The following TBK1 variants were observed in gnomAD, a reference collection of about 807,000 sequenced individuals.
TBK1 encodes the protein serine/threonine-protein kinase TBK1.
In TBK1, 37 loss-of-function variants were observed where a neutral mutation model predicts 99.9. That is an observed-to-expected ratio of 0.37 (90% CI 0.28 to 0.49). TBK1 has a LOEUF of 0.49. Among genes scored for constraint, TBK1 ranks in the 20% least tolerant of loss-of-function variants. TBK1 has a pLI of 0.98. For missense variants in TBK1, 644 were observed against 872.5 expected (o/e 0.74, Z 3.30); for synonymous variants, 258 against 279.8 (o/e 0.92, Z 0.78).
At chr12:64,492,121 A>G (rs2040875844) in intron 13 of TBK1, among the ~76,000 whole-genome samples, 1 of 152,216 alleles carries the variant, frequency 6.6e-6, no homozygotes, top group South Asian at 2.1e-4. Flanking sequence ...TATTGCTGTC[A>G]GTGTTTTATA....
chr12:64,494,913 C>CT (rs1207742202), intron 13 of TBK1, among the ~76,000 whole-genome samples: 2 of 152,130 alleles, frequency 1.3e-5, no homozygotes, highest in African/African-American at 4.8e-5. Flanking sequence ...CATATTTATC[C>CT]TTTAAGTCTA....
chr12:64,460,851 A>T (rs1474534197), intron 3 of TBK1, among the ~76,000 whole-genome samples: 1 of 151,020 alleles, frequency 6.6e-6, no homozygotes, highest in Non-Finnish European at 1.5e-5. Flanking sequence ...AAAAAAAAAA[A>T]GAAAGGATCA....
chr12:64,472,458 C>T (rs1382884689), intron 5 of TBK1, among the ~76,000 whole-genome samples: 2 of 152,110 alleles, frequency 1.3e-5, no homozygotes, highest in South Asian at 2.1e-4. Context: ...TTGGTCCATA[C>T]GTACACTTTT....
intron 13 of TBK1, among the ~76,000 whole-genome samples, chr12:64,491,922 A>G (rs922047712): frequency 2.0e-5 from 3 of 152,230 alleles, no homozygotes; most frequent in African/African-American, 4.8e-5. Flanking sequence ...TAAGGAAATC[A>G]TTGTTTATGA....
chr12:64,497,727 C>A lies in TBK1; in HGVS notation c.2039C>A (p.Ser680Tyr). The A allele has an allele frequency of 6.2e-7, 1 of 1,600,762 alleles. No individual in the cohort carries two copies. The highest frequency in any genetic ancestry group is 8.5e-7 in the Non-Finnish European group (1 of 1,174,532). ...ACCATGACCCCAATTTATCCAAGTT[C>A]TAACACATTAGTAGAAATGACTCTT... ...KHTMTPIYPS[S>Y]NTLVEMTLGM... The change falls in exon 19 of 21, where the codon TCT becomes TAT. Residue 680 changes from serine (S) to tyrosine (Y), a missense_variant. Ser to Tyr is a moderately radical substitution (Grantham distance 144). Transcript: ENST00000331710.
chr12:64,473,098 G>T (rs140100618), intron 5 of TBK1, among the ~76,000 whole-genome samples: 1 of 152,222 alleles, frequency 6.6e-6, no homozygotes, highest in African/African-American at 2.4e-5. Flanking sequence ...TGAGCAGCTA[G>T]ATATGTGGTG....
intron 5 of TBK1, among the ~76,000 whole-genome samples, chr12:64,472,397 A>G (rs1467733220): frequency 5.3e-5 from 8 of 151,860 alleles, no homozygotes; most frequent in African/African-American, 1.5e-4. Flanking sequence ...AAATCCTACA[A>G]TGTCATAAGG....
intron 2 of TBK1, among the ~76,000 whole-genome samples, chr12:64,456,963 G>A (rs1165675730): frequency 2.0e-5 from 3 of 152,112 alleles, no homozygotes; most frequent in Non-Finnish European, 4.4e-5. Context: ...AAAAGCTGGA[G>A]AAATGGAGTC....
intron 2 of TBK1, among the ~76,000 whole-genome samples, chr12:64,457,651 A>G (rs61396007): frequency 6.6e-6 from 1 of 152,124 alleles, no homozygotes; most frequent in South Asian, 2.1e-4. Flanking sequence ...AGCTGATGGG[A>G]TGAGAGATAG....
intron 5 of TBK1, among the ~76,000 whole-genome samples, chr12:64,468,645 T>C (rs1252080235): frequency 6.6e-6 from 1 of 152,154 alleles, no homozygotes; most frequent in East Asian, 1.9e-4. Flanking sequence ...GAGCCCACGT[T>C]CTGGTAGGGA....
intron 3 of TBK1, among the ~76,000 whole-genome samples, chr12:64,460,634 G>C (rs1229984792): frequency 6.6e-6 from 1 of 152,006 alleles, no homozygotes; most frequent in Non-Finnish European, 1.5e-5. Flanking sequence ...AAGAGATTGA[G>C]ACCAGCCTGG....
intron 5 of TBK1, among the ~76,000 whole-genome samples, chr12:64,470,876 A>G (rs1020964824): frequency 2.0e-5 from 3 of 152,176 alleles, no homozygotes; most frequent in South Asian, 2.1e-4. Context: ...TGCCTCTAAG[A>G]CTTTTAACAG....
chr12:64,478,511 AC>A (rs1190470422), intron 6 of TBK1, among the ~76,000 whole-genome samples: 1 of 152,222 alleles, frequency 6.6e-6, no homozygotes, highest in Non-Finnish European at 1.5e-5. Flanking sequence ...CTGTAAAAAG[AC>A]AATTATCTAA....
chr12:64,452,511 A>G lies in TBK1; in HGVS notation c.-32+324A>G, dbSNP rs1565809055. The G allele has an allele frequency of 2.0e-5, 3 of 152,356 alleles. No individual in the cohort carries two copies. In the East Asian group the frequency reaches 5.8e-4, roughly 30 times the overall value. 9.4% of individuals were successfully genotyped at this position (152,356 alleles called of 1,614,324 possible). A position where few individuals can be genotyped will look rare whatever the true frequency, so the allele number is the denominator to read the frequency against. On this transcript the variant is annotated intron_variant, in intron 1 of 20. Coordinates refer to ENST00000331710, the MANE Select transcript of TBK1 (RefSeq NM_013254.4). ...TGCATCCCGTCCGGCGGCTTTGGGC[A>G]TAAAGAGGACGACTCCGTTACCGGG... is the stretch of plus-strand genomic sequence containing the variant.
intron 16 of TBK1, among the ~76,000 whole-genome samples, 189 bp downstream of exon 16, chr12:64,496,595 A>G (rs372442926): frequency 1.4e-4 from 21 of 152,212 alleles, no homozygotes; most frequent in African/African-American, 5.1e-4. Flanking sequence ...GGAAGTTACC[A>G]TGATGGGAGA....
chr12:64,501,208 T>C (rs1437935058), intron 20 of TBK1, 122 bp from the exon 21 acceptor site: 1 of 878,680 alleles, frequency 1.1e-6, no homozygotes, highest in Non-Finnish European at 1.8e-6. Context: ...AAATCATAGT[T>C]ACTTAAACTC....
At chr12:64,481,485 G>A (rs896587740) in intron 7 of TBK1, among the ~76,000 whole-genome samples, 20 of 152,068 alleles carry the variant, frequency 1.3e-4, no homozygotes, top group Non-Finnish European at 1.8e-4. Context: ...GTCTTGGCAC[G>A]GTGGCATACA....
chr12:64,466,905 T>C lies in TBK1; in HGVS notation c.363T>C (p.Gly121=), dbSNP rs1172564058. The change falls in exon 5 of 21, where the codon GGT becomes GGC. Residue 121 remains glycine (G), a synonymous_variant. Transcript: ENST00000331710. ...TTTTGTTTTATATTGTTGAAGTGGG[T>C]GGAATGAATCATCTACGAGAGAATG... ...EFLIVLRDVV[G]GMNHLRENGI... 1.9e-6 allele frequency: 3 copies of C among 1,568,442 alleles called. No homozygotes were observed. The Admixed American group carries it at 5.5e-5, about 29-fold the overall frequency.
chr12:64,471,845 T>G (rs561435745), intron 5 of TBK1, among the ~76,000 whole-genome samples: 1 of 137,870 alleles, frequency 7.3e-6, no homozygotes, highest in South Asian at 2.4e-4. Flanking sequence ...CACCCCAAGT[T>G]AATCACTCCC....
Sources: allele counts gnomAD v4.1 joint callset (sites outside exome capture counted in the v4.1 genomes callset), GRCh38; gene constraint gnomAD v4.1.1; transcripts MANE v1.5; gene names NCBI Gene and HGNC (gene_info 2026-07-23, HGNC 2026-07-21).